PES1: variants seen among roughly 807,000 people sequenced by gnomAD.
The protein encoded by PES1 is pescadillo ribosomal biogenesis factor 1, also known as pescadillo homolog.
Under a neutral mutation model 77.1 loss-of-function variants are expected in PES1, and 31 were observed. The ratio of observed to expected loss-of-function variants is 0.40; its 90% CI spans 0.30 to 0.54. The LOEUF (loss-of-function observed/expected upper bound fraction) is 0.54. PES1 is among the 20% of genes least tolerant of loss of function. The probability of loss-of-function intolerance (pLI) is 0.45; values close to 1 mark genes in which losing one functional copy is unlikely to be tolerated. For synonymous variants in PES1, 282 were observed against 303.0 expected (o/e 0.93, Z 0.72); for missense variants, 658 against 771.7 (o/e 0.85, Z 1.75).
intron 6 of PES1, among the ~76,000 whole-genome samples, chr22:30,583,871 G>A (rs1452760757): frequency 1.3e-5 from 2 of 152,268 alleles, no homozygotes; most frequent in African/African-American, 4.8e-5. Flanking sequence ...GTGGGGCAGA[G>A]AGGCAGGAAG....
Position 30,589,361 on chromosome 22 carries a change from A to C in PES1, c.25-91T>G, listed in dbSNP as rs966692991. Reference sequence around the variant, plus strand: ...ATGCCTAGTTCCAGAGGCAACTATCACTCTGGATAAGTGGCTGAGATGAGT... The same window carrying C: ...ATGCCTAGTTCCAGAGGCAACTATCCCTCTGGATAAGTGGCTGAGATGAGT... On this transcript the variant is annotated intron_variant, in intron 1 of 14. Coordinates refer to ENST00000354694, the MANE Select transcript of PES1 (RefSeq NM_014303.4). 4.7e-6 allele frequency: 5 copies of C among 1,063,774 alleles called. No individual in the cohort carries two copies. The African/African-American group carries it at 7.8e-5, about 17-fold the overall frequency. 65.9% of individuals were successfully genotyped at this position (1,063,774 alleles called of 1,614,324 possible). A position where few individuals can be genotyped will look rare whatever the true frequency, so the allele number is the denominator to read the frequency against.
intron 4 of PES1, chr22:30,585,424 G>A (rs1470582024): frequency 3.1e-5 from 14 of 451,630 alleles, no homozygotes; most frequent in East Asian, 7.1e-5. Context: ...CACAAGTAAC[G>A]ACACCTGGAT....
At chr22:30,592,141 G>C (rs895866518), upstream of PES1, 9 of 1,195,644 alleles carry the variant, frequency 7.5e-6, no homozygotes, top group East Asian at 3.5e-4. Context: ...CCCTGATGAC[G>C]ATTCATTGAC....
upstream of PES1, among the ~76,000 whole-genome samples, chr22:30,595,627 C>A (rs2087242917): frequency 6.6e-6 from 1 of 152,060 alleles, no homozygotes; most frequent in African/African-American, 2.4e-5. Flanking sequence ...AGGGAACCTT[C>A]CCCTGTCAGC....
upstream of PES1, among the ~76,000 whole-genome samples, chr22:30,594,262 G>A (rs755642086): frequency 6.6e-6 from 1 of 152,216 alleles, no homozygotes; most frequent in Non-Finnish European, 1.5e-5. Context: ...ACACACGCCT[G>A]TAATCCCAGC....
chr22:30,589,417 C>G, intron 1 of PES1, 147 bp from the exon 2 acceptor site: 1 of 666,906 alleles, frequency 1.5e-6, no homozygotes, highest in Non-Finnish European at 2.6e-6. Context: ...GGGAAGGAGC[C>G]GACCTGCCTG....
chr22:30,579,968 A>G, intron 11 of PES1, 33 bp from the exon 12 acceptor site: 5 of 1,611,544 alleles, frequency 3.1e-6, no homozygotes, highest in Non-Finnish European at 4.2e-6. Context: ...AACGAGTCAC[A>G]GAGGGCAACT....
chr22:30,595,937 G>C (rs1475542064), upstream of PES1, among the ~76,000 whole-genome samples: 1 of 152,182 alleles, frequency 6.6e-6, no homozygotes, highest in East Asian at 1.9e-4. Context: ...GTACTAACGG[G>C]ACAGTCTCTA....
upstream of PES1, among the ~76,000 whole-genome samples, chr22:30,596,737 G>A (rs1056830111): frequency 9.9e-5 from 15 of 152,180 alleles, no homozygotes; most frequent in Non-Finnish European, 2.1e-4. Context: ...GTGCCTCCTC[G>A]GCCTCGGCGC....
At chr22:30,590,189 C>T (rs1369122507) in intron 1 of PES1, among the ~76,000 whole-genome samples, 1 of 152,228 alleles carries the variant, frequency 6.6e-6, no homozygotes, top group East Asian at 1.9e-4. Flanking sequence ...TCTTGTATAA[C>T]CATCTGGATG....
chr22:30,597,876 A>ATTTTTTTTTTTTTTTTTTTT (rs1210779167), intron 2 of PES1, among the ~76,000 whole-genome samples: 10 of 125,162 alleles, frequency 8.0e-5, no homozygotes, highest in African/African-American at 2.8e-4. Flanking sequence ...ACGCAGTTGA[A>ATTTTTTTTTTTTTTTTTTTT]GTTTTGTTTT....
chr22:30,590,032 C>T (rs1378293645), intron 1 of PES1, among the ~76,000 whole-genome samples: 1 of 152,194 alleles, frequency 6.6e-6, no homozygotes, highest in Non-Finnish European at 1.5e-5. Flanking sequence ...AAAGCATGCT[C>T]TAAGCCACAC....
In PES1 at chr22:30,576,940, G is replaced by C. The variant is rs9621033; in HGVS notation, c.*106C>G. ...AGGGGTCAGGGCTGGCTGGAGAAAG[G>C]AGGAGGAGAAGTGACTCTGGTCCAT... On this transcript the variant is annotated 3_prime_UTR_variant, in exon 15 of 15. Coordinates refer to ENST00000354694, the MANE Select transcript of PES1 (RefSeq NM_014303.4). The C allele has an allele frequency of 0.018, 16,452 of 931,710 alleles. 199 individuals are homozygous for C. The highest frequency in any genetic ancestry group is 0.022 in the Non-Finnish European group (12,482 of 569,804). The allele number at this position is 931,710 out of a possible 1,614,324, so 57.7% of individuals were successfully genotyped here.
intron 2 of PES1, among the ~76,000 whole-genome samples, chr22:30,602,451 G>A (rs1253686129): frequency 1.8e-4 from 8 of 43,592 alleles, no homozygotes; most frequent in Middle Eastern, 0.026. Context: ...TTTTTTTTTT[G>A]ACACAAGAGT....
intron 2 of PES1, 112 bp downstream of exon 2, chr22:30,589,079 A>G: frequency 1.4e-6 from 1 of 718,832 alleles, no homozygotes; most frequent in Non-Finnish European, 2.4e-6. Flanking sequence ...GAGAAAGAGA[A>G]GGAATACCAG....
intron 12 of PES1, 197 bp from the exon 13 acceptor site, chr22:30,579,500 C>T (rs771792405): frequency 8.1e-6 from 7 of 860,880 alleles, no homozygotes; most frequent in Non-Finnish European, 1.2e-5. Flanking sequence ...ACCCCCAGTC[C>T]TGAGCTCTGT....
chr22:30,599,456 A>T (rs2087320354), intron 2 of PES1, among the ~76,000 whole-genome samples: 5 of 152,200 alleles, frequency 3.3e-5, no homozygotes, highest in African/African-American at 1.2e-4. Flanking sequence ...GTTTAATAGG[A>T]AACAGCGAAA....
In PES1 at chr22:30,578,825, G is replaced by C; in HGVS notation, c.1683+12C>G. On this transcript the variant is annotated intron_variant, in intron 14 of 14. Transcript: ENST00000354694. ...GCCACACCTGGATCTCAAGTGGGTG[G>C]CAAGAACTCACCTCTCGGATTTTTC... is the stretch of plus-strand genomic sequence containing the variant. The C allele has an allele frequency of 6.2e-7, 1 of 1,611,972 alleles. No individual in the cohort carries two copies. Among genetic ancestry groups the C allele is most frequent in the Non-Finnish European group, 8.5e-7 (1 of 1,179,874 alleles).
chr22:30,584,509 G>A (rs375019629), intron 5 of PES1, 37 bp downstream of exon 5: 2 of 1,608,688 alleles, frequency 1.2e-6, no homozygotes, highest in South Asian at 1.1e-5. Flanking sequence ...AGGAGAGGGG[G>A]CAGGGTGGGA....
Sources: allele counts gnomAD v4.1 joint callset (sites outside exome capture counted in the v4.1 genomes callset), GRCh38; gene constraint gnomAD v4.1.1; transcripts MANE v1.5; gene names NCBI Gene and HGNC (gene_info 2026-07-23, HGNC 2026-07-21).